The following UPP2 variants were observed in gnomAD, a reference collection of about 807,000 sequenced individuals.
UPP2 encodes uridine phosphorylase 2.
In UPP2, 23 loss-of-function variants were observed where a neutral mutation model predicts 26.7. The observed-to-expected ratio is 0.86, with a 90% confidence interval of 0.62 to 1.22. The LOEUF (loss-of-function observed/expected upper bound fraction) is 1.22, where lower values mean the gene tolerates loss of function less well. Ranked by LOEUF, UPP2 falls within the 50% of genes most tolerant of loss-of-function variation. The probability of loss-of-function intolerance (pLI) is 0.00; values close to 1 mark genes in which losing one functional copy is unlikely to be tolerated. For missense variants in UPP2, 387 were observed against 396.7 expected, an observed-to-expected ratio of 0.98 and a Z score of 0.21; for synonymous variants, 127 against 141.3, an observed-to-expected ratio of 0.90 and a Z score of 0.72.
intron 2 of UPP2, among the ~76,000 whole-genome samples, chr2:158,107,226 G>T (rs1261331814): frequency 6.6e-6 from 1 of 152,212 alleles, no homozygotes; most frequent in Non-Finnish European, 1.5e-5. Context: ...ATTTACAGTT[G>T]CACTAATGGA....
At chr2:158,067,798 A>T (rs192027416) in intron 3 of UPP2, among the ~76,000 whole-genome samples, 1 of 152,188 alleles carries the variant, frequency 6.6e-6, no homozygotes, top group Non-Finnish European at 1.5e-5. Flanking sequence ...TCTGTTTGGA[A>T]TGAACTAAAA....
At chr2:158,132,004 T>C (rs1159464586) in intron 6 of UPP2, among the ~76,000 whole-genome samples, 1 of 152,240 alleles carries the variant, frequency 6.6e-6, no homozygotes, top group Non-Finnish European at 1.5e-5. Flanking sequence ...GGTTTCCTTT[T>C]ATCCTTCTGC....
chr2:158,063,028 A>C (rs1365956653), intron 3 of UPP2, among the ~76,000 whole-genome samples: 1 of 152,194 alleles, frequency 6.6e-6, no homozygotes, highest in Non-Finnish European at 1.5e-5. Flanking sequence ...GCTGACAAAC[A>C]CAGTTTCACA....
At chr2:158,056,377 T>C (rs1682244980) in intron 3 of UPP2, among the ~76,000 whole-genome samples, 1 of 152,192 alleles carries the variant, frequency 6.6e-6, no homozygotes, top group South Asian at 2.1e-4. Flanking sequence ...CAGTCTATAG[T>C]TGATTCAGAT....
chr2:158,071,985 C>A (rs141075563), intron 3 of UPP2, among the ~76,000 whole-genome samples: 2 of 152,096 alleles, frequency 1.3e-5, no homozygotes, highest in African/African-American at 2.4e-5. Flanking sequence ...ACCTTAGGTA[C>A]GTATTTGGCT....
chr2:158,048,864 A>G (rs1682100932), intron 3 of UPP2, among the ~76,000 whole-genome samples: 2 of 152,226 alleles, frequency 1.3e-5, no homozygotes, highest in Non-Finnish European at 2.9e-5. Flanking sequence ...GTGTTTAGAC[A>G]TAGAGGAGAA....
intron 5 of UPP2, among the ~76,000 whole-genome samples, chr2:158,122,462 G>GA (rs1683590438): frequency 6.6e-6 from 1 of 152,044 alleles, no homozygotes; most frequent in African/African-American, 2.4e-5. Flanking sequence ...TTGTAAAATA[G>GA]AAGGGCTGTT....
chr2:158,075,023 A>G (rs772335917), intron 3 of UPP2, among the ~76,000 whole-genome samples: 26 of 152,128 alleles, frequency 1.7e-4, no homozygotes, highest in Non-Finnish European at 2.5e-4. Context: ...GTAAGAAGAC[A>G]CAAGGAAAGT....
intron 3 of UPP2, among the ~76,000 whole-genome samples, chr2:158,024,145 T>G (rs1031826672): frequency 6.6e-6 from 1 of 152,154 alleles, no homozygotes. Flanking sequence ...TTTAAAGATC[T>G]TACCCAGGAA....
chr2:158,121,672 G>A (rs1369043722), intron 5 of UPP2, 54 bp downstream of exon 5: 1 of 1,480,364 alleles, frequency 6.8e-7, no homozygotes, highest in African/African-American at 1.4e-5. Context: ...GCAACTCTTT[G>A]TTATTCAAAC....
At chr2:158,127,961 A>C in intron 6 of UPP2, 1 of 983,670 alleles carries the variant, frequency 1.0e-6, no homozygotes, top group Non-Finnish European at 1.2e-6. Context: ...TGTCTCTCTT[A>C]AAGCAAAATC....
At chr2:158,102,438 T>C (rs922759958) in intron 1 of UPP2, among the ~76,000 whole-genome samples, 2 of 152,202 alleles carry the variant, frequency 1.3e-5, no homozygotes, top group African/African-American at 4.8e-5. Flanking sequence ...GGACTCACTA[T>C]AGAGTTCAGC....
chr2:158,020,073 C>A (rs1683725058), intron 3 of UPP2, among the ~76,000 whole-genome samples: 3 of 152,160 alleles, frequency 2.0e-5, no homozygotes, highest in Admixed American at 2.0e-4. Context: ...TTGAAAGGCC[C>A]AGACTTGCTC....
At chr2:158,023,232 G>GGGGT (rs72121455) in intron 3 of UPP2, among the ~76,000 whole-genome samples, 3 of 147,020 alleles carry the variant, frequency 2.0e-5, no homozygotes, top group Non-Finnish European at 4.5e-5. Flanking sequence ...CTGTCAGTTG[G>GGGGT]GGGGGGGCAT....
intron 2 of UPP2, among the ~76,000 whole-genome samples, chr2:158,002,646 G>GA (rs999811307): frequency 6.6e-6 from 1 of 152,236 alleles, no homozygotes; most frequent in Admixed American, 6.5e-5. Flanking sequence ...TATCTTGAAA[G>GA]AAAAATCACA....
chr2:158,041,565 G>T (rs373393379), intron 3 of UPP2, among the ~76,000 whole-genome samples: 2 of 152,166 alleles, frequency 1.3e-5, no homozygotes, highest in Non-Finnish European at 2.9e-5. Context: ...TGTAGGATAT[G>T]CAATTTCACT....
At chr2:158,005,152 A>G (rs927965047) in intron 2 of UPP2, among the ~76,000 whole-genome samples, 20 of 152,152 alleles carry the variant, frequency 1.3e-4, no homozygotes, top group African/African-American at 4.8e-4. Context: ...AGGAATCTCA[A>G]GAAATCTGTT....
chr2:158,005,113 C>T (rs1388981010), intron 2 of UPP2, among the ~76,000 whole-genome samples: 1 of 152,166 alleles, frequency 6.6e-6, no homozygotes, highest in East Asian at 1.9e-4. Flanking sequence ...GAATGAGGAG[C>T]CTGTTCTTCT....
At chr2:158,083,883 A>ATATC (rs1558925310) in intron 3 of UPP2, among the ~76,000 whole-genome samples, 2 of 148,768 alleles carry the variant, frequency 1.3e-5, no homozygotes, top group African/African-American at 4.9e-5. Flanking sequence ...ATATATATAT[A>ATATC]TCTCACAAGT....
Sources: gnomAD v4.1 joint callset for allele counts (sites outside exome capture counted in the v4.1 genomes callset) on GRCh38, gnomAD v4.1.1 for gene constraint, MANE v1.5 for transcripts, NCBI Gene and HGNC (gene_info 2026-07-23, HGNC 2026-07-21) for gene names.